TBC1D19: variants seen among roughly 807,000 people sequenced by gnomAD.
TBC1D19 encodes TBC1 domain family member 19, also known as TBC1 domain family, member 19.
TBC1D19 carries 60 observed loss-of-function variants against 89.0 expected under a neutral mutation model. The observed-to-expected ratio is 0.67, with a 90% CI of 0.55 to 0.84. The LOEUF (loss-of-function observed/expected upper bound fraction) is 0.84, where lower values mean the gene tolerates loss of function less well. Among genes scored for constraint, TBC1D19 ranks in the 40% least tolerant of loss-of-function variants. TBC1D19 has a pLI of 0.00. For synonymous variants in TBC1D19, 189 were observed against 199.7 expected (o/e 0.95, Z 0.45); for missense variants, 500 against 610.8 (o/e 0.82, Z 1.91).
In TBC1D19 at chr4:26,688,330, T is replaced by C. The variant is rs1713993237; in HGVS notation, c.892-15T>C. 2 of 1,569,600 alleles carry C rather than the reference T, an allele frequency of 1.3e-6. No individual in the cohort carries two copies. The highest frequency in any genetic ancestry group is 4.6e-5 in the East Asian group (2 of 43,082). ...TGTTTGAGTTCTTTTCAGTACTGTCTACTTTTAATTATAGGATGTGAAGTT... is the reference window on the plus strand; with the variant it reads ...TGTTTGAGTTCTTTTCAGTACTGTCCACTTTTAATTATAGGATGTGAAGTT... On this transcript the variant is annotated splice_polypyrimidine_tract_variant and intron_variant, in intron 12 of 20. Transcript: ENST00000264866.
the TBC1D19 span, among the ~76,000 whole-genome samples, chr4:26,801,086 C>T: frequency 3.9e-5 from 6 of 152,284 alleles, no homozygotes; most frequent in East Asian, 9.6e-4. Flanking sequence ...CTTGCCCATG[C>T]CTATGTCCTG....
intron 13 of TBC1D19, among the ~76,000 whole-genome samples, chr4:26,716,187 T>G (rs920249048): frequency 6.6e-6 from 1 of 152,144 alleles, no homozygotes; most frequent in African/African-American, 2.4e-5. Flanking sequence ...TTTTGTTTGT[T>G]TCCTTTTATG....
downstream of TBC1D19, among the ~76,000 whole-genome samples, chr4:26,757,195 A>G (rs535747301): frequency 6.6e-6 from 1 of 152,198 alleles, no homozygotes; most frequent in African/African-American, 2.4e-5. Context: ...TTGTATTTTT[A>G]GTAGAGACAG....
At chr4:26,655,949 G>A (rs745784956) in intron 7 of TBC1D19, among the ~76,000 whole-genome samples, 35 of 152,092 alleles carry the variant, frequency 2.3e-4, no homozygotes, top group Non-Finnish European at 4.3e-4. Flanking sequence ...GAAATCGTTC[G>A]TCTTCTGCGT....
At chr4:26,833,990 A>AG in the TBC1D19 span, among the ~76,000 whole-genome samples, 46 of 150,194 alleles carry the variant, frequency 3.1e-4, no homozygotes, top group Non-Finnish European at 5.0e-4. Context: ...GCCTGGTGGG[A>AG]GGCAACTGGA....
chr4:26,601,295 T>C (rs940267574), intron 1 of TBC1D19, among the ~76,000 whole-genome samples: 1 of 152,212 alleles, frequency 6.6e-6, no homozygotes, highest in Non-Finnish European at 1.5e-5. Flanking sequence ...AGTATCTGTC[T>C]TTTTAAAGAT....
intron 4 of TBC1D19, among the ~76,000 whole-genome samples, chr4:26,635,124 T>C (rs1482335202): frequency 6.6e-6 from 1 of 152,118 alleles, no homozygotes; most frequent in Middle Eastern, 3.2e-3. Flanking sequence ...ATCCAGGGAT[T>C]GGATTTTTAA....
At chr4:26,667,237 T>C (rs185692584) in intron 9 of TBC1D19, among the ~76,000 whole-genome samples, 258 of 152,176 alleles carry the variant, frequency 1.7e-3, no homozygotes, top group African/African-American at 6.0e-3. Flanking sequence ...TTTATTAATG[T>C]ATAATGCATA....
the TBC1D19 span, among the ~76,000 whole-genome samples, chr4:26,779,659 G>A: frequency 6.6e-6 from 1 of 152,172 alleles, no homozygotes; most frequent in Non-Finnish European, 1.5e-5. Context: ...ACACAGAGGA[G>A]CTTAAGCCAG....
At chr4:26,826,092 C>T in the TBC1D19 span, among the ~76,000 whole-genome samples, 1 of 152,260 alleles carries the variant, frequency 6.6e-6, no homozygotes, top group East Asian at 1.9e-4. Context: ...ATCCCAGCTA[C>T]ACAGGAGGCT....
At chr4:26,598,601 AG>A (rs1184154985) in intron 1 of TBC1D19, among the ~76,000 whole-genome samples, 14 of 152,106 alleles carry the variant, frequency 9.2e-5, no homozygotes, top group Non-Finnish European at 1.5e-4. Context: ...TCACCATGTT[AG>A]CCAGGATGGT....
At chr4:26,747,886 T>G (rs989906267) in intron 18 of TBC1D19, among the ~76,000 whole-genome samples, 1 of 152,218 alleles carries the variant, frequency 6.6e-6, no homozygotes, top group Admixed American at 6.5e-5. Context: ...CAGAAATCTA[T>G]TTCTAATGTC....
At chr4:26,619,320 T>C (rs1300260969) in intron 3 of TBC1D19, among the ~76,000 whole-genome samples, 1 of 151,918 alleles carries the variant, frequency 6.6e-6, no homozygotes, top group Non-Finnish European at 1.5e-5. Context: ...TTCTCCTGCC[T>C]CAGCCTCCCC....
At chr4:26,798,720 T>C in the TBC1D19 span, among the ~76,000 whole-genome samples, 3 of 151,922 alleles carry the variant, frequency 2.0e-5, no homozygotes, top group Admixed American at 1.3e-4. Flanking sequence ...ATCATGTCTT[T>C]TGCAGCAACA....
chr4:26,627,564 T>C (rs1468739276), intron 4 of TBC1D19, among the ~76,000 whole-genome samples: 21 of 152,192 alleles, frequency 1.4e-4, no homozygotes, highest in Non-Finnish European at 2.8e-4. Context: ...GTCTCCTGAC[T>C]TTTTAATGAT....
rs1384653193 is a variant in TBC1D19 at position 26,736,004 on chromosome 4, T to C, written c.1117+517T>C. ...TCAGTGTGGCGATTCCTCAGGGATC[T>C]AGAACTAGAAATACCATTTGACCCA... On this transcript the variant is annotated intron_variant, in intron 16 of 20. Transcript: ENST00000264866. Among the ~76,000 whole-genome samples, 5 of 146,008 alleles carry C rather than the reference T, an allele frequency of 3.4e-5. No homozygotes were observed. In the East Asian group the frequency reaches 1.0e-3, roughly 29 times the overall value.
intron 16 of TBC1D19, among the ~76,000 whole-genome samples, chr4:26,737,597 A>G (rs1718122206): frequency 6.6e-6 from 1 of 152,134 alleles, no homozygotes; most frequent in Admixed American, 6.5e-5. Flanking sequence ...ACCCAAGGGG[A>G]AAGCATTTGC....
intron 13 of TBC1D19, among the ~76,000 whole-genome samples, chr4:26,694,551 C>T (rs1285279238): frequency 6.6e-6 from 1 of 152,184 alleles, no homozygotes; most frequent in African/African-American, 2.4e-5. Context: ...AGCAGTGGTT[C>T]TCCCAGCATG....
At chr4:26,591,527 C>CA (rs1168937960) in intron 1 of TBC1D19, among the ~76,000 whole-genome samples, 6 of 151,994 alleles carry the variant, frequency 3.9e-5, no homozygotes, top group Non-Finnish European at 7.4e-5. Flanking sequence ...AAAAACCCTT[C>CA]AAAAAATCAA....
Sources: gnomAD v4.1 joint callset for allele counts (sites outside exome capture counted in the v4.1 genomes callset) on GRCh38, gnomAD v4.1.1 for gene constraint, MANE v1.5 for transcripts, NCBI Gene and HGNC (gene_info 2026-07-23, HGNC 2026-07-21) for gene names.